MIA2: variants seen among roughly 807,000 people sequenced by gnomAD.
The protein encoded by MIA2 is MIA SH3 domain ER export factor 2, also known as melanoma inhibitory activity protein 2.
Under a neutral mutation model 167.8 loss-of-function variants are expected in MIA2, and 127 were observed. The ratio of observed to expected loss-of-function variants is 0.76; its 90% CI spans 0.66 to 0.88. MIA2 has a LOEUF of 0.88. MIA2 is among the 40% of genes least tolerant of loss of function. The pLI, the probability that MIA2 is intolerant of heterozygous loss-of-function variation, is 0.00. For synonymous variants in MIA2, 552 were observed against 541.9 expected (o/e 1.02, Z -0.26); for missense variants, 1,690 against 1,624.7 (o/e 1.04, Z -0.69).
At chr14:39,299,651 G>C (rs1448883749) in intron 13 of MIA2, among the ~76,000 whole-genome samples, 5 of 152,120 alleles carry the variant, frequency 3.3e-5, no homozygotes, top group African/African-American at 7.2e-5. Flanking sequence ...TCAAATCTAA[G>C]ATATGTATAT....
At chr14:39,375,450 C>CT (rs2075026465) in intron 23 of MIA2, among the ~76,000 whole-genome samples, 1 of 152,180 alleles carries the variant, frequency 6.6e-6, no homozygotes, top group African/African-American at 2.4e-5. Flanking sequence ...AATCCCAGCA[C>CT]TTTGGGAGGA....
intron 6 of MIA2, among the ~76,000 whole-genome samples, chr14:39,264,661 T>A (rs2055346552): frequency 1.3e-5 from 2 of 152,266 alleles, no homozygotes; most frequent in African/African-American, 2.4e-5. Context: ...TGAGAACAAC[T>A]CTTACATCAC....
Position 39,318,521 on chromosome 14 carries a change from G to A in MIA2, c.3284+510G>A, listed in dbSNP as rs527407980. On this transcript the variant is annotated intron_variant, in intron 22 of 28. Transcript: ENST00000640607. ...TGTGAAGATGATAACAGTCTTCCTA[G>A]AGTGTTATAATTTCTTGTCACAATG... 7.2e-5 allele frequency among the ~76,000 whole-genome samples: 11 copies of A among 152,226 alleles called. No homozygotes were observed. In the South Asian group the frequency reaches 1.9e-3, roughly 26 times the overall value.
chr14:39,379,931 A>C (rs1254910091), intron 23 of MIA2, among the ~76,000 whole-genome samples: 1 of 150,636 alleles, frequency 6.6e-6, no homozygotes, highest in East Asian at 2.0e-4. Context: ...AAAAAACAAC[A>C]ACAACAAAAA....
chr14:39,322,465 C>T (rs183803417), intron 24 of MIA2, among the ~76,000 whole-genome samples: 155 of 149,692 alleles, frequency 1.0e-3, no homozygotes, highest in African/African-American at 3.6e-3. Context: ...TGCTTGAACC[C>T]GGGGGACGGA....
chr14:39,352,849 C>T (rs1408419882), downstream of MIA2, among the ~76,000 whole-genome samples: 1 of 152,054 alleles, frequency 6.6e-6, no homozygotes. Context: ...ATATATTTTA[C>T]CTTGGATACT....
At chr14:39,361,558 C>T (rs2074683710) in intron 23 of MIA2, among the ~76,000 whole-genome samples, 1 of 151,978 alleles carries the variant, frequency 6.6e-6, no homozygotes, top group East Asian at 1.9e-4. Flanking sequence ...CCTGCCTCAG[C>T]CTTGTGAGTA....
chr14:39,344,154 A>T (rs545842220), intron 25 of MIA2, among the ~76,000 whole-genome samples: 48 of 152,326 alleles, frequency 3.2e-4, no homozygotes, highest in African/African-American at 9.4e-4. Flanking sequence ...GTGGAGGGCA[A>T]CATAGCCATG....
chr14:39,344,523 G>A (rs2072766353), intron 25 of MIA2, among the ~76,000 whole-genome samples: 1 of 152,122 alleles, frequency 6.6e-6, no homozygotes, highest in Admixed American at 6.6e-5. Flanking sequence ...CCCGACCATT[G>A]GGAGCTCATT....
At chr14:39,353,337 C>G (rs576728013), downstream of MIA2, among the ~76,000 whole-genome samples, 15 of 152,138 alleles carry the variant, frequency 9.9e-5, no homozygotes, top group Non-Finnish European at 2.1e-4. Flanking sequence ...TCTTCATGTT[C>G]CCCTCACACC....
chr14:39,355,436 C>G (rs901971653), downstream of MIA2, among the ~76,000 whole-genome samples: 3 of 152,154 alleles, frequency 2.0e-5, no homozygotes, highest in Admixed American at 1.3e-4. Context: ...TGCTTATCAG[C>G]TTAAGGAGAT....
intron 25 of MIA2, among the ~76,000 whole-genome samples, chr14:39,332,568 T>C (rs1026170657): frequency 1.3e-5 from 2 of 152,178 alleles, no homozygotes; most frequent in Non-Finnish European, 2.9e-5. Context: ...TTCCTCATCT[T>C]CCTGGATTTA....
At chr14:39,305,662 G>A (rs2063213729) in intron 17 of MIA2, among the ~76,000 whole-genome samples, 1 of 152,172 alleles carries the variant, frequency 6.6e-6, no homozygotes, top group Non-Finnish European at 1.5e-5. Context: ...ATGGCCAGGC[G>A]CGGCGGCTCA....
intron 23 of MIA2, among the ~76,000 whole-genome samples, chr14:39,382,779 C>G (rs906227222): frequency 6.6e-6 from 1 of 152,170 alleles, no homozygotes. Context: ...GAATTGGAGT[C>G]CAGACTTTTT....
intron 24 of MIA2, among the ~76,000 whole-genome samples, chr14:39,322,229 C>CT (rs1168834729): frequency 2.0e-5 from 3 of 152,018 alleles, no homozygotes; most frequent in African/African-American, 7.3e-5. Context: ...GGAACCTTTA[C>CT]TGTGGTCTGC....
intron 23 of MIA2, among the ~76,000 whole-genome samples, chr14:39,357,573 G>A (rs150053687): frequency 1.3e-5 from 2 of 152,268 alleles, no homozygotes; most frequent in Non-Finnish European, 2.9e-5. Flanking sequence ...ATATTGTTAT[G>A]TGTGAATTTG....
Position 39,299,305 on chromosome 14 carries a change from C to CTTTTTTTTTTTT in MIA2, c.2497-549_2497-538dup, listed in dbSNP as rs34424266. 4.2e-4 allele frequency among the ~76,000 whole-genome samples: 40 copies of CTTTTTTTTTTTT among 95,108 alleles called. 2 individuals carry two copies. Among genetic ancestry groups the CTTTTTTTTTTTT allele is most frequent in the Non-Finnish European group, 5.5e-4 (29 of 52,748 alleles). 62.4% of individuals were successfully genotyped at this position (95,108 alleles called of 152,430 possible). A position where few individuals can be genotyped will look rare whatever the true frequency, so the allele number is the denominator to read the frequency against. On this transcript the variant is annotated intron_variant, in intron 13 of 28. Coordinates refer to ENST00000640607, the MANE Select transcript of MIA2 (RefSeq NM_001329214.4). ...GATCTGTTCTAGATTAATGGTATTT[C>CTTTTTTTTTTTT]TTTTTTTTTTTTTTTTTTTTTGAGA...
intron 2 of MIA2, among the ~76,000 whole-genome samples, chr14:39,239,372 T>TATAC (rs1555342204): frequency 6.0e-5 from 9 of 150,296 alleles, no homozygotes; most frequent in African/African-American, 1.2e-4. Flanking sequence ...ATAGCAAGAA[T>TATAC]ACACACACAC....
rs758391086 is a variant in MIA2, at chr14:39,345,905, A to G, written c.3657A>G (p.Gly1219=). Residue 1219 remains glycine, a splice_region_variant and synonymous_variant, in exon 26 of 29, where the codon GGA becomes GGG. Transcript: ENST00000640607. ...QDRRMMFPPP[G]QSYPDSALPP... ...ACATTTTAAAAACTTATTTTCTAGGACAATCATATCCTGATTCAGCCCTTC... is the reference window on the plus strand; with the variant it reads ...ACATTTTAAAAACTTATTTTCTAGGGCAATCATATCCTGATTCAGCCCTTC... The G allele has an allele frequency of 1.2e-6, 2 of 1,603,300 alleles. No homozygotes were observed. The highest frequency in any genetic ancestry group is 1.7e-6 in the Non-Finnish European group (2 of 1,176,772).
Sources: gnomAD v4.1 joint callset for allele counts (sites outside exome capture counted in the v4.1 genomes callset) on GRCh38, gnomAD v4.1.1 for gene constraint, MANE v1.5 for transcripts, NCBI Gene and HGNC (gene_info 2026-07-23, HGNC 2026-07-21) for gene names.